PTPRD: variants seen among roughly 807,000 people sequenced by gnomAD.
PTPRD encodes receptor-type tyrosine-protein phosphatase delta.
PTPRD carries 34 observed loss-of-function variants against 214.5 expected under a neutral mutation model. The observed-to-expected ratio is 0.16, with a 90% CI of 0.12 to 0.21. PTPRD has a LOEUF of 0.21. Ranked by LOEUF, PTPRD falls within the 10% of genes least tolerant of loss-of-function variation. The pLI is 1.00. For missense variants in PTPRD, 2,545 were observed against 2,398.7 expected (o/e 1.06, Z -1.27); for synonymous variants, 1,128 against 845.7 (o/e 1.33, Z -5.79).
In PTPRD at chr9:8,881,480, G is replaced by A. The variant is rs917084669; in HGVS notation, c.-104+137217C>T. On this transcript the variant is annotated intron_variant, in intron 11 of 45. Transcript: ENST00000381196. ...CAAGATTTCTGTAAATAATTACAAT[G>A]TAGTATACAGTTAGTTCTTTCTGTA... Among the ~76,000 whole-genome samples, 2 of 152,158 alleles carry A rather than the reference G, an allele frequency of 1.3e-5. 1 individual carries two copies. The highest frequency in any genetic ancestry group is 2.9e-5 in the Non-Finnish European group (2 of 68,024).
intron 11 of PTPRD, among the ~76,000 whole-genome samples, chr9:8,780,082 G>C (rs1244334161): frequency 6.9e-6 from 1 of 144,396 alleles, no homozygotes; most frequent in Admixed American, 6.8e-5. Context: ...GAGAATATCT[G>C]TAAAGGATCT....
intron 3 of PTPRD, among the ~76,000 whole-genome samples, chr9:10,264,385 G>GCTGCC (rs1049844011): frequency 1.2e-4 from 18 of 152,292 alleles, no homozygotes; most frequent in Middle Eastern, 3.4e-3. Flanking sequence ...CAGGGTTGGA[G>GCTGCC]CTGCCCAAGA....
chr9:9,876,109 G>T (rs1030032956), intron 5 of PTPRD, among the ~76,000 whole-genome samples: 2 of 152,110 alleles, frequency 1.3e-5, no homozygotes, highest in African/African-American at 4.8e-5. Context: ...GCCAGTAAGA[G>T]ATTGTGTTTT....
chr9:10,027,606 A>G lies in PTPRD; in HGVS notation c.-472+6112T>C, dbSNP rs567577895. Among the ~76,000 whole-genome samples, 70 of 152,344 alleles carry G rather than the reference A, an allele frequency of 4.6e-4. No homozygotes were observed. The South Asian group carries it at 0.014, about 31-fold the overall frequency. On this transcript the variant is annotated intron_variant, in intron 4 of 45. Coordinates refer to ENST00000381196, the MANE Select transcript of PTPRD (RefSeq NM_002839.4). ...ATGTGGAAGCATTTGTTATAACAAT[A>G]TATGGCACATAAGGTTATTCTCCTT...
chr9:10,238,950 G>A (rs1402107393), intron 3 of PTPRD, among the ~76,000 whole-genome samples: 3 of 151,866 alleles, frequency 2.0e-5, no homozygotes, highest in Admixed American at 6.6e-5. Context: ...GGGAATTTTA[G>A]CAGGTAAGGT....
At chr9:10,422,137 G>A (rs1219753180) in intron 2 of PTPRD, among the ~76,000 whole-genome samples, 11 of 151,938 alleles carry the variant, frequency 7.2e-5, no homozygotes, top group Non-Finnish European at 1.3e-4. Context: ...ACAGAACAGA[G>A]GCCTCAGAAA....
chr9:8,502,660 T>C (rs559063455), intron 23 of PTPRD, among the ~76,000 whole-genome samples: 3 of 152,212 alleles, frequency 2.0e-5, no homozygotes, highest in South Asian at 2.1e-4. Flanking sequence ...GAGTTGTTCA[T>C]GTAACAGCAA....
At chr9:10,062,696 G>C (rs1175301432) in intron 3 of PTPRD, among the ~76,000 whole-genome samples, 1 of 137,346 alleles carries the variant, frequency 7.3e-6, no homozygotes, top group East Asian at 2.0e-4. Context: ...ACCCTACTTA[G>C]GAAAGTAATA....
intron 7 of PTPRD, among the ~76,000 whole-genome samples, chr9:9,691,031 T>C (rs78656465): frequency 6.6e-6 from 1 of 151,888 alleles, no homozygotes; most frequent in Non-Finnish European, 1.5e-5. Context: ...GGGTACATAA[T>C]AGGTGTATAT....
intron 8 of PTPRD, among the ~76,000 whole-genome samples, chr9:9,449,558 T>C (rs2091515576): frequency 6.6e-6 from 1 of 151,914 alleles, no homozygotes; most frequent in Non-Finnish European, 1.5e-5. Flanking sequence ...AAAAAGTAAC[T>C]AGTTCATTTG....
intron 14 of PTPRD, among the ~76,000 whole-genome samples, chr9:8,631,854 T>C (rs1205576613): frequency 1.3e-5 from 2 of 151,920 alleles, no homozygotes; most frequent in Non-Finnish European, 2.9e-5. Flanking sequence ...CTTTTAATTT[T>C]ATTTTCAGAT....
intron 11 of PTPRD, among the ~76,000 whole-genome samples, chr9:8,972,770 T>C (rs937354983): frequency 6.6e-6 from 1 of 151,936 alleles, no homozygotes; most frequent in African/African-American, 2.4e-5. Flanking sequence ...AATCTACATT[T>C]TTCCCAAGAA....
At chr9:9,971,296 A>C (rs1295737319) in intron 4 of PTPRD, among the ~76,000 whole-genome samples, 2 of 152,342 alleles carry the variant, frequency 1.3e-5, no homozygotes, top group South Asian at 2.1e-4. Context: ...ATGGATTTAA[A>C]TTCACTAGGT....
intron 3 of PTPRD, among the ~76,000 whole-genome samples, chr9:10,253,085 GTATTT>G (rs2092933184): frequency 6.6e-6 from 1 of 151,934 alleles, no homozygotes; most frequent in African/African-American, 2.4e-5. Flanking sequence ...GCCTGGCCAC[GTATTT>G]TATTTTATTT....
rs566682526 is a variant in PTPRD at position 9,683,101 on chromosome 9, G to A, written c.-287+51432C>T. ...CTTATGGCAAGGTCATTAGGCTAAG[G>A]TTCTAGATTCTCTTTTGATGACTAT... On this transcript the variant is annotated intron_variant, in intron 7 of 45. Coordinates refer to ENST00000381196, the MANE Select transcript of PTPRD (RefSeq NM_002839.4). 1.8e-4 allele frequency among the ~76,000 whole-genome samples: 28 copies of A among 151,932 alleles called. No individual in the cohort carries two copies. The South Asian group carries it at 2.5e-3, about 13-fold the overall frequency.
chr9:10,370,484 C>T (rs936550024), intron 2 of PTPRD, among the ~76,000 whole-genome samples: 4 of 151,920 alleles, frequency 2.6e-5, no homozygotes, highest in South Asian at 2.1e-4. Context: ...GAAAATCAAA[C>T]GGTTCTATAC....
chr9:9,212,741 G>A (rs187730918), intron 9 of PTPRD, among the ~76,000 whole-genome samples: 3 of 152,202 alleles, frequency 2.0e-5, no homozygotes, highest in African/African-American at 7.2e-5. Context: ...TGGGTTATTG[G>A]ACTCAAGACG....
chr9:8,788,253 ATTTTTTTTTTTTTTT>A (rs776984034), intron 11 of PTPRD, among the ~76,000 whole-genome samples: 1 of 85,264 alleles, frequency 1.2e-5, no homozygotes, highest in Non-Finnish European at 2.1e-5. Flanking sequence ...ATATAAGATG[ATTTTTTTTTTTTTTT>A]TTTTTTTTTT....
intron 7 of PTPRD, among the ~76,000 whole-genome samples, chr9:9,620,869 A>G (rs1188475653): frequency 6.7e-6 from 1 of 149,548 alleles, no homozygotes; most frequent in Non-Finnish European, 1.5e-5. Flanking sequence ...GAGAGGAGAA[A>G]AAAAAAAAAA....
Sources: allele counts gnomAD v4.1 joint callset (sites outside exome capture counted in the v4.1 genomes callset), GRCh38; gene constraint gnomAD v4.1.1; transcripts MANE v1.5; gene names NCBI Gene and HGNC (gene_info 2026-07-23, HGNC 2026-07-21).